Variants in RAB30 observed in about 807,000 individuals in gnomAD.
RAB30 encodes RAB30, member RAS oncogene family, also known as ras-related protein Rab-30.
In RAB30, 9 loss-of-function variants were observed where a neutral mutation model predicts 25.1. The observed-to-expected ratio is 0.36, with a 90% CI of 0.22 to 0.63. The LOEUF is 0.63. Among genes scored for constraint, RAB30 ranks in the 20% least tolerant of loss-of-function variants. The pLI is 0.69. For synonymous variants in RAB30, 77 were observed against 86.4 expected (o/e 0.89, Z 0.60); for missense variants, 140 against 243.5 (o/e 0.58, Z 2.83).
chr11:82,978,029 T>C lies in RAB30; in HGVS notation c.*4136A>G, dbSNP rs1856574357. ...AAAGTAAAGAAAACATATCCCTCCCTTATCCCAAAATTAGTGTTTAACCAT... is the reference window on the plus strand; with the variant it reads ...AAAGTAAAGAAAACATATCCCTCCCCTATCCCAAAATTAGTGTTTAACCAT... On this transcript the variant is annotated 3_prime_UTR_variant, in exon 5 of 5. Transcript: ENST00000527633. The C allele has an allele frequency of 6.6e-6, 1 of 152,178 alleles. No homozygotes were observed. The highest frequency in any genetic ancestry group is 2.4e-5 in the African/African-American group (1 of 41,444). The allele number at this position is 152,178 out of a possible 1,614,324, so 9.4% of individuals were successfully genotyped here. A position where few individuals can be genotyped will look rare whatever the true frequency, so the allele number is the denominator to read the frequency against.
At chr11:82,987,872 T>C (rs1856768028) in intron 3 of RAB30, 102 bp from the exon 4 acceptor site, 1 of 373,506 alleles carries the variant, frequency 2.7e-6, no homozygotes, top group Non-Finnish European at 4.5e-6. Flanking sequence ...GGGTACACCT[T>C]TACCCAAACA....
At chr11:83,031,942 ATTTG>A (rs1857872231) in intron 1 of RAB30, among the ~76,000 whole-genome samples, 1 of 152,086 alleles carries the variant, frequency 6.6e-6, no homozygotes, top group Non-Finnish European at 1.5e-5. Context: ...TCTCCACACT[ATTTG>A]TTTGGGTTAG....
intron 1 of RAB30, among the ~76,000 whole-genome samples, chr11:83,064,327 C>CA (rs1225467393): frequency 6.6e-6 from 1 of 152,152 alleles, no homozygotes; most frequent in Non-Finnish European, 1.5e-5. Context: ...AGGCTGGTCT[C>CA]AAAGTCCTGG....
chr11:82,998,646 C>A (rs1815559550), intron 1 of RAB30, among the ~76,000 whole-genome samples: 1 of 151,246 alleles, frequency 6.6e-6, no homozygotes, highest in Non-Finnish European at 1.5e-5. Flanking sequence ...TCTGTTATCA[C>A]CACAGGAAAT....
chr11:83,025,185 G>A (rs1284325066), intron 1 of RAB30, among the ~76,000 whole-genome samples: 1 of 152,152 alleles, frequency 6.6e-6, no homozygotes, highest in Non-Finnish European at 1.5e-5. Flanking sequence ...AACAAAATCA[G>A]CAATTTTTTA....
At chr11:83,003,442 G>C (rs988354442) in intron 1 of RAB30, among the ~76,000 whole-genome samples, 1 of 151,346 alleles carries the variant, frequency 6.6e-6, no homozygotes, top group Non-Finnish European at 1.5e-5. Context: ...CTTTTTTTTA[G>C]ACGGAATTTT....
At chr11:83,059,591 C>G (rs1223907021) in intron 1 of RAB30, among the ~76,000 whole-genome samples, 1 of 152,172 alleles carries the variant, frequency 6.6e-6, no homozygotes, top group Admixed American at 6.5e-5. Flanking sequence ...TAGCAGGAAC[C>G]AAGTAGCAGG....
At chr11:82,997,147 A>G (rs548712731) in intron 2 of RAB30, 77 bp downstream of exon 2, 25 of 1,252,374 alleles carry the variant, frequency 2.0e-5, no homozygotes, top group Middle Eastern at 1.9e-4. Flanking sequence ...ATCCATCTCG[A>G]CAGATTCCCC....
At chr11:82,997,595 C>T (rs1428189856) in intron 1 of RAB30, 2 of 353,694 alleles carry the variant, frequency 5.7e-6, no homozygotes, top group African/African-American at 2.1e-5. Flanking sequence ...GCTATCATGT[C>T]GCAGTTTCCT....
At chr11:82,990,327 G>A (rs184195015) in intron 3 of RAB30, among the ~76,000 whole-genome samples, 3 of 152,334 alleles carry the variant, frequency 2.0e-5, no homozygotes, top group Admixed American at 6.5e-5. Context: ...CACACAGCAC[G>A]TGGTAGAAAC....
chr11:83,023,247 C>CTGA (rs1284383876), intron 1 of RAB30, among the ~76,000 whole-genome samples: 1 of 152,124 alleles, frequency 6.6e-6, no homozygotes, highest in African/African-American at 2.4e-5. Flanking sequence ...TATAAATGCT[C>CTGA]TGAAAGCAAT....
chr11:82,985,051 C>T (rs1468270458), intron 4 of RAB30, among the ~76,000 whole-genome samples: 1 of 152,168 alleles, frequency 6.6e-6, no homozygotes, highest in Non-Finnish European at 1.5e-5. Flanking sequence ...AATCTCGGCT[C>T]ACTGTATCCT....
rs1463764560 is a variant in RAB30, at chr11:82,997,111, C to G, written c.93+113G>C. On this transcript the variant is annotated intron_variant, in intron 2 of 4. Coordinates refer to ENST00000527633, the MANE Select transcript of RAB30 (RefSeq NM_001286060.2). ...CAAAGGGTGCATCAGGAACTCACAG[C>G]TAAGACCCTGGCATTGAAACTGGTC... The G allele has an allele frequency of 2.6e-5, 22 of 855,926 alleles. No homozygotes were observed. The East Asian group carries it at 5.7e-4, about 22-fold the overall frequency. 53.0% of individuals were successfully genotyped at this position (855,926 alleles called of 1,614,324 possible).
At chr11:83,050,020 G>A (rs1858322183) in intron 1 of RAB30, among the ~76,000 whole-genome samples, 1 of 152,104 alleles carries the variant, frequency 6.6e-6, no homozygotes, top group South Asian at 2.1e-4. Flanking sequence ...TGCTTTGGGA[G>A]GCTACAGTGG....
chr11:83,045,113 T>C (rs1858207170), intron 1 of RAB30, among the ~76,000 whole-genome samples: 1 of 152,192 alleles, frequency 6.6e-6, no homozygotes, highest in Admixed American at 6.5e-5. Context: ...GACCTAGACA[T>C]GGTCTAACAC....
At chr11:83,022,410 C>T (rs1431459308) in intron 1 of RAB30, among the ~76,000 whole-genome samples, 1 of 152,180 alleles carries the variant, frequency 6.6e-6, no homozygotes, top group Non-Finnish European at 1.5e-5. Flanking sequence ...CCTCCTGCCT[C>T]AGCTTCCCAA....
At chr11:82,993,319 C>T (rs1167792653) in intron 3 of RAB30, among the ~76,000 whole-genome samples, 2 of 152,148 alleles carry the variant, frequency 1.3e-5, no homozygotes, top group East Asian at 3.9e-4. Flanking sequence ...TATGTGTAGC[C>T]ATGGATAAGT....
intron 1 of RAB30, among the ~76,000 whole-genome samples, chr11:83,057,110 C>G (rs1232143074): frequency 6.6e-6 from 1 of 151,744 alleles, no homozygotes; most frequent in Non-Finnish European, 1.5e-5. Context: ...TTCAAAGGGA[C>G]AGGCTTAAAT....
chr11:82,994,927 T>C (rs1414630145), intron 2 of RAB30, among the ~76,000 whole-genome samples: 5 of 152,202 alleles, frequency 3.3e-5, no homozygotes, highest in African/African-American at 1.2e-4. Flanking sequence ...TTCAATGAGT[T>C]TGAGGCTGAT....
Sources: gnomAD v4.1 joint callset for allele counts (sites outside exome capture counted in the v4.1 genomes callset) on GRCh38, gnomAD v4.1.1 for gene constraint, MANE v1.5 for transcripts, NCBI Gene and HGNC (gene_info 2026-07-23, HGNC 2026-07-21) for gene names.